TCF4: variants seen among roughly 807,000 people sequenced by gnomAD.
TCF4 encodes transcription factor 4, also known as SL3-3 enhancer factor 2.
A neutral mutation model predicts 82.1 loss-of-function variants in TCF4; 3 were observed. The observed-to-expected ratio is 0.04, with a 90% CI of 0.02 to 0.09. TCF4 has a LOEUF of 0.09. Among genes scored for constraint, TCF4 ranks in the 10% least tolerant of loss-of-function variants. The pLI, the probability that TCF4 is intolerant of heterozygous loss-of-function variation, is 1.00. For missense variants in TCF4, 518 were observed against 852.7 expected (o/e 0.61, Z 4.89); for synonymous variants, 276 against 309.6 (o/e 0.89, Z 1.14).
intron 2 of TCF4, among the ~76,000 whole-genome samples, chr18:55,623,459 T>A (rs1332360136): frequency 6.6e-6 from 1 of 152,302 alleles, no homozygotes; most frequent in Non-Finnish European, 1.5e-5. Context: ...ACACATTTTT[T>A]AAACTGTATA....
At chr18:55,604,226 G>GT (rs68034392) in intron 2 of TCF4, among the ~76,000 whole-genome samples, 64 of 150,650 alleles carry the variant, frequency 4.2e-4, no homozygotes, top group South Asian at 3.4e-3. Context: ...TCAGTTTTTT[G>GT]TTTTTTTTTA....
chr18:55,295,063 C>G (rs997995831), intron 8 of TCF4, among the ~76,000 whole-genome samples: 2 of 152,144 alleles, frequency 1.3e-5, no homozygotes, highest in African/African-American at 4.8e-5. Flanking sequence ...GTTGGACTGA[C>G]TTATAAGGAG....
At chr18:55,400,171 A>G (rs1450795270) in intron 6 of TCF4, among the ~76,000 whole-genome samples, 1 of 152,172 alleles carries the variant, frequency 6.6e-6, no homozygotes, top group African/African-American at 2.4e-5. Context: ...CCCTTCTGGC[A>G]TTTGCAATGA....
intron 2 of TCF4, among the ~76,000 whole-genome samples, chr18:55,601,543 G>A (rs906498311): frequency 4.6e-5 from 7 of 152,202 alleles, no homozygotes; most frequent in African/African-American, 1.7e-4. Flanking sequence ...CAGCACTTTG[G>A]GAGGCCAAGG....
At chr18:55,242,347 G>A (rs753811715) in intron 15 of TCF4, among the ~76,000 whole-genome samples, 55 of 152,188 alleles carry the variant, frequency 3.6e-4, no homozygotes, top group Non-Finnish European at 4.7e-4. Flanking sequence ...CCAAGGACAG[G>A]AACTGCACAG....
chr18:55,466,334 A>G (rs1278027918), intron 3 of TCF4, among the ~76,000 whole-genome samples: 1 of 152,066 alleles, frequency 6.6e-6, no homozygotes, highest in Non-Finnish European at 1.5e-5. Context: ...TGTCGCTACA[A>G]AAATTTTTAA....
chr18:55,368,033 C>T lies in TCF4; in HGVS notation c.370-17030G>A, dbSNP rs544389879. ...CTAAGCATCTTGAGAAATGAATGGC[C>T]ACATACTACTTCTTGAATGAAGCAA... On this transcript the variant is annotated intron_variant, in intron 6 of 19. Coordinates refer to ENST00000354452, the MANE Select transcript of TCF4 (RefSeq NM_001083962.2). 8.5e-5 allele frequency among the ~76,000 whole-genome samples: 13 copies of T among 152,274 alleles called. No individual in the cohort carries two copies. The South Asian group carries it at 2.3e-3, about 27-fold the overall frequency.
chr18:55,345,874 T>C (rs2081068083), intron 8 of TCF4, among the ~76,000 whole-genome samples: 1 of 152,184 alleles, frequency 6.6e-6, no homozygotes, highest in South Asian at 2.1e-4. Flanking sequence ...GATTTCCCTA[T>C]GATCAATTTC....
intron 3 of TCF4, among the ~76,000 whole-genome samples, chr18:55,520,177 C>T (rs2096921183): frequency 6.6e-6 from 1 of 152,084 alleles, no homozygotes; most frequent in African/African-American, 2.4e-5. Flanking sequence ...CCAATGATAG[C>T]ATAAGAATGT....
At chr18:55,467,442 T>G (rs552267920) in intron 3 of TCF4, among the ~76,000 whole-genome samples, 1 of 152,242 alleles carries the variant, frequency 6.6e-6, no homozygotes, top group Non-Finnish European at 1.5e-5. Flanking sequence ...TCTGAAACTC[T>G]GGGGGTGGGG....
At chr18:55,439,944 G>C (rs775132737) in intron 5 of TCF4, among the ~76,000 whole-genome samples, 1 of 152,068 alleles carries the variant, frequency 6.6e-6, no homozygotes, top group African/African-American at 2.4e-5. Context: ...GGTTGGTCTC[G>C]AACTCCTGGC....
At chr18:55,401,652 G>A (rs1336939465) in intron 6 of TCF4, 21 of 989,274 alleles carry the variant, frequency 2.1e-5, no homozygotes, top group Non-Finnish European at 2.3e-5. Context: ...ACGGAGAAAG[G>A]AGGGTCTGTG....
chr18:55,257,552 A>C (rs2057148900), intron 13 of TCF4, 161 bp from the exon 14 acceptor site: 3 of 693,268 alleles, frequency 4.3e-6, no homozygotes, highest in Non-Finnish European at 7.5e-6. Context: ...TTTTGGGACA[A>C]GGAAAACATT....
At chr18:55,549,313 G>T (rs1332614832) in intron 3 of TCF4, among the ~76,000 whole-genome samples, 1 of 150,524 alleles carries the variant, frequency 6.6e-6, no homozygotes, top group African/African-American at 2.4e-5. Context: ...ACAGAAAAAA[G>T]ATTTTTCTTG....
chr18:55,628,011 G>C (rs2097728255), intron 2 of TCF4, among the ~76,000 whole-genome samples: 1 of 152,216 alleles, frequency 6.6e-6, no homozygotes. Flanking sequence ...AGTGAGCCAT[G>C]ATCGCGCCAC....
At chr18:55,281,214 A>G (rs1390034037) in intron 8 of TCF4, among the ~76,000 whole-genome samples, 1 of 152,200 alleles carries the variant, frequency 6.6e-6, no homozygotes, top group Non-Finnish European at 1.5e-5. Flanking sequence ...AACAAAGAAT[A>G]AAACTTTGGC....
chr18:55,365,191 A>ATATATATATGTGTGTGTG (rs1361444592), intron 6 of TCF4, among the ~76,000 whole-genome samples: 4 of 97,948 alleles, frequency 4.1e-5, no homozygotes, highest in African/African-American at 2.0e-4. Context: ...ATATATATAT[A>ATATATATATGTGTGTGTG]TGTGTGTGTG....
intron 8 of TCF4, among the ~76,000 whole-genome samples, chr18:55,325,692 G>T (rs1050751146): frequency 2.6e-5 from 4 of 152,090 alleles, no homozygotes; most frequent in African/African-American, 7.2e-5. Context: ...GTTGTTTTTT[G>T]TTGTTGTTGT....
chr18:55,605,540 G>A (rs1417829114), intron 2 of TCF4, among the ~76,000 whole-genome samples: 1 of 152,136 alleles, frequency 6.6e-6, no homozygotes, highest in African/African-American at 2.4e-5. Flanking sequence ...GGGGGAAGGA[G>A]GTGGTCTCAA....
Sources: allele counts gnomAD v4.1 joint callset (sites outside exome capture counted in the v4.1 genomes callset), GRCh38; gene constraint gnomAD v4.1.1; transcripts MANE v1.5; gene names NCBI Gene and HGNC (gene_info 2026-07-23, HGNC 2026-07-21).